Variants in WWC1 observed in about 807,000 individuals in gnomAD.
The protein encoded by WWC1 is protein KIBRA.
In WWC1, 55 loss-of-function variants were observed where a neutral mutation model predicts 138.4. The ratio of observed to expected loss-of-function variants is 0.40; its 90% CI spans 0.32 to 0.50. The LOEUF is 0.50. Among genes scored for constraint, WWC1 ranks in the 20% least tolerant of loss-of-function variants. WWC1 has a pLI of 0.72. For missense variants in WWC1, 1,226 were observed against 1,420.4 expected (o/e 0.86, Z 2.20); for synonymous variants, 524 against 564.9 (o/e 0.93, Z 1.03).
Position 168,462,513 on chromosome 5 carries a change from C to G in WWC1, c.2916+1771C>G, listed in dbSNP as rs532843969. On this transcript the variant is annotated intron_variant, in intron 20 of 22. Transcript: ENST00000265293. ...GTGGGCCCTGAAAACTGCATTTTAA[C>G]AAAGCTCCTTAGGGGCTTCTGGAGC... 1.8e-4 allele frequency among the ~76,000 whole-genome samples: 27 copies of G among 152,350 alleles called. No individual in the cohort carries two copies. In the East Asian group the frequency reaches 5.0e-3, roughly 28 times the overall value.
chr5:168,330,253 C>T (rs1772917532), intron 1 of WWC1, among the ~76,000 whole-genome samples: 2 of 152,184 alleles, frequency 1.3e-5, no homozygotes, highest in African/African-American at 2.4e-5. Flanking sequence ...TCTCGGCAAT[C>T]GGCTTGGGAC....
At chr5:168,399,641 C>G (rs1276059539) in intron 5 of WWC1, 74 bp downstream of exon 5, 2 of 1,425,200 alleles carry the variant, frequency 1.4e-6, no homozygotes, top group Non-Finnish European at 2.0e-6. Context: ...CTCTGTCTCT[C>G]TCTCCTTCAG....
At chr5:168,437,047 A>G (rs1782404073) in intron 15 of WWC1, among the ~76,000 whole-genome samples, 1 of 149,658 alleles carries the variant, frequency 6.7e-6, no homozygotes, top group Non-Finnish European at 1.5e-5. Context: ...TATCCCCAAA[A>G]CTCTTCCTCC....
intron 1 of WWC1, among the ~76,000 whole-genome samples, chr5:168,331,353 A>G (rs1773018289): frequency 6.6e-6 from 1 of 152,220 alleles, no homozygotes; most frequent in African/African-American, 2.4e-5. Flanking sequence ...TGTTCCATAG[A>G]AATGTTTGGC....
intron 1 of WWC1, among the ~76,000 whole-genome samples, chr5:168,346,091 G>T (rs1342684120): frequency 6.6e-6 from 1 of 152,100 alleles, no homozygotes; most frequent in Non-Finnish European, 1.5e-5. Flanking sequence ...GGACCCCCAA[G>T]AGTGTTTGAT....
intron 5 of WWC1, among the ~76,000 whole-genome samples, chr5:168,402,308 T>C (rs1779366775): frequency 6.6e-6 from 1 of 152,186 alleles, no homozygotes; most frequent in Non-Finnish European, 1.5e-5. Flanking sequence ...GGGTCAGGAA[T>C]GTAGTCTTGA....
At chr5:168,390,024 A>G (rs1404537562) in intron 3 of WWC1, among the ~76,000 whole-genome samples, 1 of 152,190 alleles carries the variant, frequency 6.6e-6, no homozygotes, top group Non-Finnish European at 1.5e-5. Context: ...ATTGATAGGA[A>G]ATACATAATA....
intron 5 of WWC1, among the ~76,000 whole-genome samples, chr5:168,400,524 A>T: frequency 6.6e-6 from 1 of 151,988 alleles, no homozygotes; most frequent in East Asian, 1.9e-4. Flanking sequence ...GTGCCAGGGA[A>T]CCCCTGCAGT....
chr5:168,465,548 C>CCTTTTTTTTT (rs1757199827), intron 21 of WWC1, among the ~76,000 whole-genome samples: 1 of 46,932 alleles, frequency 2.1e-5, no homozygotes, highest in Non-Finnish European at 3.8e-5. Context: ...ATCAGCTGGG[C>CCTTTTTTTTT]TTTTTTTTTT....
chr5:168,359,294 T>A (rs1052080424), intron 1 of WWC1, among the ~76,000 whole-genome samples: 10 of 152,188 alleles, frequency 6.6e-5, no homozygotes, highest in Non-Finnish European at 1.3e-4. Context: ...GCTCAGGTGA[T>A]CCACCCACCT....
intron 1 of WWC1, among the ~76,000 whole-genome samples, chr5:168,327,541 G>T (rs1269269827): frequency 1.3e-5 from 2 of 152,350 alleles, no homozygotes; most frequent in East Asian, 3.9e-4. Context: ...TGCAATTATG[G>T]TCCTTGGATC....
At chr5:168,455,178 T>C (rs1756194912) in intron 18 of WWC1, among the ~76,000 whole-genome samples, 178 bp from the exon 19 acceptor site, 1 of 152,070 alleles carries the variant, frequency 6.6e-6, no homozygotes, top group Non-Finnish European at 1.5e-5. Context: ...TAGCCTTGGG[T>C]ACTGTCCTGG....
At chr5:168,327,841 C>T (rs1260277172) in intron 1 of WWC1, among the ~76,000 whole-genome samples, 1 of 152,182 alleles carries the variant, frequency 6.6e-6, no homozygotes, top group East Asian at 1.9e-4. Flanking sequence ...GGAATATGCT[C>T]CCCACTTTAT....
chr5:168,441,620 T>G, intron 15 of WWC1, 62 bp from the exon 16 acceptor site: 1 of 1,571,292 alleles, frequency 6.4e-7, no homozygotes, highest in Non-Finnish European at 8.7e-7. Context: ...TGAACCAAAT[T>G]CCCTGACACC....
At chr5:168,341,702 T>TAA (rs3832365) in intron 1 of WWC1, among the ~76,000 whole-genome samples, 2,758 of 146,118 alleles carry the variant, frequency 0.019, 36 homozygotes, top group South Asian at 0.055. Context: ...TTTGCTGATT[T>TAA]AAAAAAAAAA....
chr5:168,394,736 A>G (rs1457539130), intron 3 of WWC1, among the ~76,000 whole-genome samples: 1 of 152,186 alleles, frequency 6.6e-6, no homozygotes, highest in Non-Finnish European at 1.5e-5. Flanking sequence ...ATTGAAAAAA[A>G]AATAAGTTCT....
intron 5 of WWC1, among the ~76,000 whole-genome samples, chr5:168,403,038 C>CTTTCTTTCTT (rs1779459320): frequency 1.6e-5 from 2 of 127,956 alleles, no homozygotes; most frequent in African/African-American, 6.9e-5. Flanking sequence ...TTCTTTCTTT[C>CTTTCTTTCTT]TTTCTTTCTT....
rs71603861 is a variant in WWC1 at position 168,427,060 on chromosome 5, G to A, written c.1811-973G>A. Among the ~76,000 whole-genome samples, 783 of 152,284 alleles carry A rather than the reference G, an allele frequency of 5.1e-3. 7 individuals are homozygous for A. The highest frequency in any genetic ancestry group is 5.2e-3 in the Non-Finnish European group (356 of 68,026). On this transcript the variant is annotated intron_variant, in intron 11 of 22. Coordinates refer to ENST00000265293, the MANE Select transcript of WWC1 (RefSeq NM_015238.3). ...TTAGGGAAGAGGAGGAGCTGAATTC[G>A]GAGTGGAAAGGGATAGGCAGTGGAA...
rs573347735 is a variant in WWC1, at chr5:168,423,689, G to A, written c.1431G>A (p.Leu477=). 1 of 1,614,208 alleles carries A rather than the reference G, an allele frequency of 6.2e-7. No individual in the cohort carries two copies. The highest frequency in any genetic ancestry group is 8.5e-7 in the Non-Finnish European group (1 of 1,180,034). The change falls in exon 11 of 23, where the codon CTG becomes CTA. Residue 477 remains leucine, a synonymous_variant. Coordinates refer to ENST00000265293, the MANE Select transcript of WWC1 (RefSeq NM_015238.3). ...CCTTTGAGCAGCTGGACTCAGAGCT[G>A]CAGAGCAAGGTGGAGTTCCTGCTCC... is the stretch of plus-strand genomic sequence containing the variant. ...YDPFEQLDSE[L]QSKVEFLLLE...
Sources: gnomAD v4.1 joint callset for allele counts (sites outside exome capture counted in the v4.1 genomes callset) on GRCh38, gnomAD v4.1.1 for gene constraint, MANE v1.5 for transcripts, NCBI Gene and HGNC (gene_info 2026-07-23, HGNC 2026-07-21) for gene names.